DLGAP4: variants seen among roughly 807,000 people sequenced by gnomAD.
The protein encoded by DLGAP4 is disks large-associated protein 4.
DLGAP4 carries 18 observed loss-of-function variants against 86.9 expected under a neutral mutation model. That is an observed-to-expected ratio of 0.21 (90% CI 0.14 to 0.31). DLGAP4 has a LOEUF of 0.31. Ranked by LOEUF, DLGAP4 falls within the 10% of genes least tolerant of loss-of-function variation. DLGAP4 has a pLI of 1.00. For synonymous variants in DLGAP4, 548 were observed against 574.3 expected (o/e 0.95, Z 0.65); for missense variants, 1,085 against 1,362.6 (o/e 0.80, Z 3.21).
In DLGAP4 at chr20:36,472,173, A is replaced by C. The variant is rs1173330710; in HGVS notation, c.1649-24532A>C. Among the ~76,000 whole-genome samples the C allele has an allele frequency of 2.0e-5, 3 of 152,130 alleles. No homozygotes were observed. The South Asian group carries it at 6.2e-4, about 32-fold the overall frequency. On this transcript the variant is annotated intron_variant, in intron 7 of 12. Transcript: ENST00000339266. ...GGGATGAGGAAGGGAAAGTTCTATC[A>C]TTTTTTTCTAATTTAAAATGACATT...
intron 7 of DLGAP4, among the ~76,000 whole-genome samples, chr20:36,467,634 G>T (rs1001508434): frequency 1.3e-5 from 2 of 152,226 alleles, no homozygotes; most frequent in Non-Finnish European, 2.9e-5. Context: ...ACACAAGAGG[G>T]TGAGGTTTGG....
intron 2 of DLGAP4, among the ~76,000 whole-genome samples, chr20:36,374,676 C>A (rs919220966): frequency 1.3e-5 from 2 of 152,206 alleles, no homozygotes; most frequent in African/African-American, 4.8e-5. Flanking sequence ...CTCAAGGGAG[C>A]CTTAGATATC....
intron 1 of DLGAP4, among the ~76,000 whole-genome samples, chr20:36,321,836 G>T (rs1156389429): frequency 4.0e-5 from 6 of 151,858 alleles, no homozygotes; most frequent in Non-Finnish European, 8.8e-5. Flanking sequence ...CAAATATACA[G>T]ATCCCCCTCG....
intron 2 of DLGAP4, among the ~76,000 whole-genome samples, chr20:36,386,376 GAGGAGGGA>G (rs929360768): frequency 6.6e-6 from 1 of 151,442 alleles, no homozygotes; most frequent in African/African-American, 2.4e-5. Context: ...GGTAGAGAGG[GAGGAGGGA>G]AAAAAGGGAG....
At chr20:36,322,592 A>G (rs1555890634) in intron 1 of DLGAP4, among the ~76,000 whole-genome samples, 1 of 152,188 alleles carries the variant, frequency 6.6e-6, no homozygotes, top group African/African-American at 2.4e-5. Flanking sequence ...CGTGGCACAC[A>G]GCAAGTGCTT....
At chr20:36,412,168 C>T (rs2032517088) in intron 2 of DLGAP4, among the ~76,000 whole-genome samples, 3 of 152,248 alleles carry the variant, frequency 2.0e-5, no homozygotes, top group African/African-American at 7.2e-5. Flanking sequence ...TGCATTCTGA[C>T]CATTTTGTTC....
At chr20:36,465,883 A>T (rs369652083) in intron 7 of DLGAP4, among the ~76,000 whole-genome samples, 3 of 151,736 alleles carry the variant, frequency 2.0e-5, no homozygotes, top group Non-Finnish European at 4.4e-5. Flanking sequence ...CTCTTCCCCT[A>T]TAGTGCCCTC....
chr20:36,353,687 T>G (rs1312737592), intron 1 of DLGAP4, among the ~76,000 whole-genome samples: 1 of 152,214 alleles, frequency 6.6e-6, no homozygotes, highest in Non-Finnish European at 1.5e-5. Flanking sequence ...CTCCAACCTG[T>G]GTCCGCCACT....
chr20:36,507,037 C>G (rs2036414746), intron 10 of DLGAP4, among the ~76,000 whole-genome samples: 1 of 152,180 alleles, frequency 6.6e-6, no homozygotes, highest in South Asian at 2.1e-4. Context: ...TATGTAGAGA[C>G]TACATTTTAT....
At chr20:36,325,025 G>GT (rs565858865) in intron 1 of DLGAP4, among the ~76,000 whole-genome samples, 49 of 150,734 alleles carry the variant, frequency 3.3e-4, no homozygotes, top group African/African-American at 8.3e-4. Flanking sequence ...TTCTAGTTTT[G>GT]TTTTTTTTAA....
intron 1 of DLGAP4, among the ~76,000 whole-genome samples, chr20:36,341,573 A>T (rs1178801961): frequency 6.6e-6 from 1 of 152,176 alleles, no homozygotes; most frequent in Non-Finnish European, 1.5e-5. Flanking sequence ...TGGTTTAGAG[A>T]TGAAGAACGA....
chr20:36,432,427 G>A lies in DLGAP4; in HGVS notation c.710G>A (p.Ser237Asn). Residue 237 changes from serine to asparagine, a missense_variant, in exon 3 of 13, where the codon AGC (serine) becomes AAC (asparagine). By Grantham distance (46) the Ser-to-Asn change is conservative. Coordinates refer to ENST00000339266, the MANE Select transcript of DLGAP4 (RefSeq NM_001365621.2). This position sits in a 1 kb window ranked among gnomAD's most constrained non-coding sequence, Gnocchi z 6.5. Reference protein sequence around the residue: ...LMTLGRQAERSQPRYFMHAYN... With the variant: ...LMTLGRQAERNQPRYFMHAYN... Reference sequence around the variant, plus strand: ...ACACTAGGCCGCCAGGCAGAACGCAGCCAGCCACGCTACTTCATGCACGCC... The same window carrying A: ...ACACTAGGCCGCCAGGCAGAACGCAACCAGCCACGCTACTTCATGCACGCC... The A allele has an allele frequency of 6.2e-7, 1 of 1,613,752 alleles. No individual in the cohort carries two copies. The highest frequency in any genetic ancestry group is 8.5e-7 in the Non-Finnish European group (1 of 1,180,034).
At chr20:36,456,676 G>A (rs2033886786) in intron 7 of DLGAP4, among the ~76,000 whole-genome samples, 1 of 152,232 alleles carries the variant, frequency 6.6e-6, no homozygotes, top group African/African-American at 2.4e-5. Flanking sequence ...AGTGCCTACT[G>A]TGTGCTGAGT....
At chr20:36,452,517 C>CTTT (rs35771997) in intron 7 of DLGAP4, among the ~76,000 whole-genome samples, 1 of 132,084 alleles carries the variant, frequency 7.6e-6, no homozygotes, top group Non-Finnish European at 1.7e-5. Flanking sequence ...TCTTGTAAAT[C>CTTT]TTTTTTTTTT....
At chr20:36,363,468 G>A (rs981967961) in intron 1 of DLGAP4, among the ~76,000 whole-genome samples, 10 of 152,168 alleles carry the variant, frequency 6.6e-5, no homozygotes, top group Non-Finnish European at 1.5e-4. Flanking sequence ...ACAGTGGCTC[G>A]GTCCACAGCG....
intron 1 of DLGAP4, among the ~76,000 whole-genome samples, chr20:36,319,520 A>T (rs2065144915): frequency 6.6e-6 from 1 of 152,170 alleles, no homozygotes; most frequent in African/African-American, 2.4e-5. Flanking sequence ...AGCCTAGCCC[A>T]GGGCAGCTCA....
intron 2 of DLGAP4, among the ~76,000 whole-genome samples, chr20:36,395,797 T>C (rs1233928090): frequency 1.3e-5 from 2 of 152,152 alleles, no homozygotes; most frequent in Non-Finnish European, 2.9e-5. Flanking sequence ...TTCTCGACCA[T>C]GCTCAGAGCA....
chr20:36,466,415 C>G (rs1363864943), intron 7 of DLGAP4, among the ~76,000 whole-genome samples: 1 of 152,230 alleles, frequency 6.6e-6, no homozygotes, highest in Non-Finnish European at 1.5e-5. Flanking sequence ...CTTTCCCCTA[C>G]TTGGTCCTGG....
chr20:36,321,489 G>T (rs1298184461), intron 1 of DLGAP4, among the ~76,000 whole-genome samples: 1 of 152,254 alleles, frequency 6.6e-6, no homozygotes, highest in African/African-American at 2.4e-5. Flanking sequence ...TCGCCAGGCT[G>T]GCCCCGGCTT....
Sources: allele counts gnomAD v4.1 joint callset (sites outside exome capture counted in the v4.1 genomes callset), GRCh38; gene constraint gnomAD v4.1.1; non-coding constraint Gnocchi (gnomAD v3.1); transcripts MANE v1.5; gene names NCBI Gene and HGNC (gene_info 2026-07-23, HGNC 2026-07-21).